The following KLRF1 variants were observed in gnomAD, a reference collection of about 807,000 sequenced individuals.
The protein encoded by KLRF1 is killer cell lectin like receptor F1, also known as killer cell lectin-like receptor subfamily F member 1.
A neutral mutation model predicts 30.7 loss-of-function variants in KLRF1; 27 were observed. The ratio of observed to expected loss-of-function variants is 0.88; its 90% CI spans 0.65 to 1.21. KLRF1 has a LOEUF of 1.21. KLRF1 is among the 50% of genes most tolerant of loss of function. The probability of loss-of-function intolerance (pLI) is 0.00; values close to 1 mark genes in which losing one functional copy is unlikely to be tolerated. For synonymous variants in KLRF1, 92 were observed against 89.3 expected (o/e 1.03, Z -0.17); for missense variants, 246 against 259.3 (o/e 0.95, Z 0.35).
At chr12:9,831,496 G>T (rs1349784809) in intron 1 of KLRF1, among the ~76,000 whole-genome samples, 1 of 151,956 alleles carries the variant, frequency 6.6e-6, no homozygotes, top group South Asian at 2.1e-4. Context: ...GAATAATTTC[G>T]GTTACAATAG....
the KLRF1 span, among the ~76,000 whole-genome samples, chr12:9,808,083 G>A: frequency 1.3e-5 from 2 of 151,940 alleles, no homozygotes; most frequent in African/African-American, 4.8e-5. Context: ...TGATATGTTG[G>A]TTTATTTTGT....
chr12:9,830,158 T>C (rs1867378403), intron 1 of KLRF1, among the ~76,000 whole-genome samples: 1 of 152,176 alleles, frequency 6.6e-6, no homozygotes, highest in East Asian at 1.9e-4. Flanking sequence ...AGTTTTCTTT[T>C]TGTTTGTTTT....
At chr12:9,838,453 C>T (rs1315554044) in intron 3 of KLRF1, among the ~76,000 whole-genome samples, 2 of 152,054 alleles carry the variant, frequency 1.3e-5, no homozygotes, top group African/African-American at 4.8e-5. Flanking sequence ...TCCCGGTTGT[C>T]CCCCAAGACT....
At chr12:9,829,563 G>A (rs1251707134) in intron 1 of KLRF1, among the ~76,000 whole-genome samples, 2 of 151,948 alleles carry the variant, frequency 1.3e-5, no homozygotes, top group Non-Finnish European at 2.9e-5. Flanking sequence ...GACCTGCCTG[G>A]GCAACAAATC....
upstream of KLRF1, among the ~76,000 whole-genome samples, chr12:9,824,725 T>A (rs1867262253): frequency 6.6e-6 from 1 of 152,090 alleles, no homozygotes; most frequent in Admixed American, 6.6e-5. Flanking sequence ...CCCATACTCT[T>A]GGCCAAAAAG....
At position 9,843,852 on chromosome 12, in the gene KLRF1, G is replaced by A. The variant is rs748567140; in HGVS notation, c.588-566G>A. On this transcript the variant is annotated intron_variant, in intron 5 of 5. Transcript: ENST00000617889. ...ATTCTTTCTTGAACTTTTTCCACAGGTCAAACAAATTTATCAGAATGTATC... is the reference window on the plus strand; with the variant it reads ...ATTCTTTCTTGAACTTTTTCCACAGATCAAACAAATTTATCAGAATGTATC... Among the ~76,000 whole-genome samples, 13 of 152,016 alleles carry A rather than the reference G, an allele frequency of 8.6e-5. No individual in the cohort carries two copies. The South Asian group carries it at 2.7e-3, about 32-fold the overall frequency.
chr12:9,826,812 C>T (rs757366574), upstream of KLRF1, among the ~76,000 whole-genome samples: 2 of 152,114 alleles, frequency 1.3e-5, no homozygotes, highest in Non-Finnish European at 2.9e-5. Flanking sequence ...TAATTGGGAT[C>T]TAAATGATGA....
the KLRF1 span, among the ~76,000 whole-genome samples, chr12:9,815,406 G>A: frequency 4.6e-5 from 7 of 152,326 alleles, no homozygotes; most frequent in Non-Finnish European, 8.8e-5. Flanking sequence ...AGGACTCTGG[G>A]ATAGGAGCTA....
the KLRF1 span, among the ~76,000 whole-genome samples, chr12:9,803,693 A>G: frequency 6.6e-6 from 1 of 152,032 alleles, no homozygotes; most frequent in Admixed American, 6.6e-5. Context: ...ACTGTTATAA[A>G]GAAGATCCTT....
At chr12:9,832,853 T>A (rs1867471914) in intron 2 of KLRF1, among the ~76,000 whole-genome samples, 1 of 152,132 alleles carries the variant, frequency 6.6e-6, no homozygotes, top group African/African-American at 2.4e-5. Flanking sequence ...GCAGCTACAA[T>A]ACTCCAAATA....
chr12:9,827,841 T>C (rs1867315962), intron 1 of KLRF1, among the ~76,000 whole-genome samples: 1 of 152,172 alleles, frequency 6.6e-6, no homozygotes, highest in Non-Finnish European at 1.5e-5. Flanking sequence ...TTTCCGGCAC[T>C]ATACAGAATG....
chr12:9,817,965 C>A, the KLRF1 span: 1 of 209,600 alleles, frequency 4.8e-6, no homozygotes, highest in South Asian at 1.2e-4. Context: ...TGGTCCTCAT[C>A]ATACGAATCT....
At chr12:9,840,572 A>C (rs957253554) in intron 3 of KLRF1, among the ~76,000 whole-genome samples, 2 of 152,224 alleles carry the variant, frequency 1.3e-5, no homozygotes, top group Middle Eastern at 3.4e-3. Flanking sequence ...TAAGAGGTTG[A>C]AAATAAAGAA....
chr12:9,823,508 T>C (rs1054827498), upstream of KLRF1, among the ~76,000 whole-genome samples: 2 of 152,180 alleles, frequency 1.3e-5, no homozygotes, highest in Non-Finnish European at 2.9e-5. Context: ...GAAAAACTTA[T>C]AGCGCTAAAC....
At chr12:9,837,912 C>T (rs114953251) in intron 3 of KLRF1, among the ~76,000 whole-genome samples, 1 of 152,272 alleles carries the variant, frequency 6.6e-6, no homozygotes, top group African/African-American at 2.4e-5. Flanking sequence ...AGCAAGGCCA[C>T]CTCTTTGCTA....
rs73240945 is a variant in KLRF1 at position 9,827,660 on chromosome 12, G to A, written c.85+31G>A. On this transcript the variant is annotated intron_variant, in intron 1 of 5. Transcript: ENST00000617889. ...GAATTTAATTTCATTTTTTCAATTGGTGTGAATTAACATGGTAGTTTCCCG... is the reference window on the plus strand; with the variant it reads ...GAATTTAATTTCATTTTTTCAATTGATGTGAATTAACATGGTAGTTTCCCG... 8.8e-4 allele frequency: 1,121 copies of A among 1,270,290 alleles called. 10 individuals are homozygous for A. The African/African-American group carries it at 0.015, about 17-fold the overall frequency. 78.7% of individuals were successfully genotyped at this position (1,270,290 alleles called of 1,614,324 possible). A position where few individuals can be genotyped will look rare whatever the true frequency, so the allele number is the denominator to read the frequency against.
At chr12:9,816,695 G>A in the KLRF1 span, among the ~76,000 whole-genome samples, 1 of 148,302 alleles carries the variant, frequency 6.7e-6, no homozygotes, top group South Asian at 2.1e-4. Context: ...GTTTTTAAGT[G>A]TTGCCTCTAA....
At chr12:9,819,370 A>G in the KLRF1 span, among the ~76,000 whole-genome samples, 16 of 152,262 alleles carry the variant, frequency 1.1e-4, no homozygotes, top group Non-Finnish European at 2.4e-4. Context: ...CCAGCCAGCC[A>G]CTGGTAGCAA....
At chr12:9,802,383 C>G in the KLRF1 span, among the ~76,000 whole-genome samples, 1 of 152,022 alleles carries the variant, frequency 6.6e-6, no homozygotes, top group African/African-American at 2.4e-5. Flanking sequence ...CAATATCATA[C>G]TGAATGGGCA....
Sources: gnomAD v4.1 joint callset for allele counts (sites outside exome capture counted in the v4.1 genomes callset) on GRCh38, gnomAD v4.1.1 for gene constraint, MANE v1.5 for transcripts, NCBI Gene and HGNC (gene_info 2026-07-23, HGNC 2026-07-21) for gene names.